Variants in RTL4 observed in about 807,000 individuals in gnomAD.
RTL4 encodes retrotransposon Gag like 4.
RTL4 carries 4 observed loss-of-function variants against 5.3 expected under a neutral mutation model. The ratio of observed to expected loss-of-function variants is 0.75; its 90% CI spans 0.37 to 1.72. The LOEUF (loss-of-function observed/expected upper bound fraction) is 1.72, where lower values mean the gene tolerates loss of function less well. RTL4 is among the 40% of genes most tolerant of loss of function. The pLI, the probability that RTL4 is intolerant of heterozygous loss-of-function variation, is 0.04. For synonymous variants in RTL4, 98 were observed against 87.3 expected, an observed-to-expected ratio of 1.12 and a Z score of -0.68; for missense variants, 260 against 227.1, an observed-to-expected ratio of 1.14 and a Z score of -0.93.
chrX:112,239,594 C>A, the RTL4 span, among the ~76,000 whole-genome samples: 1 of 111,082 alleles, frequency 9.0e-6, no homozygotes, highest in Non-Finnish European at 1.9e-5. Flanking sequence ...TATTTTATCC[C>A]CTATCCTCAG....
At chrX:112,385,206 G>C in the RTL4 span, among the ~76,000 whole-genome samples, 114 of 110,966 alleles carry the variant, frequency 1.0e-3, no homozygotes, top group East Asian at 0.015. Context: ...AAATTTTGAT[G>C]AAATCTGGTC....
chrX:112,138,857 T>A, the RTL4 span, among the ~76,000 whole-genome samples: 1 of 111,806 alleles, frequency 8.9e-6, no homozygotes, highest in Non-Finnish European at 1.9e-5. Flanking sequence ...TACATAACCA[T>A]GGTACAATGA....
At chrX:112,152,743 G>T in the RTL4 span, among the ~76,000 whole-genome samples, 1 of 111,883 alleles carries the variant, frequency 8.9e-6, no homozygotes, top group Admixed American at 9.5e-5. Context: ...CCACTAGAGC[G>T]CTAGGCTTAA....
the RTL4 span, among the ~76,000 whole-genome samples, chrX:112,184,942 A>T: frequency 9.0e-6 from 1 of 111,377 alleles, no homozygotes; most frequent in Non-Finnish European, 1.9e-5. Flanking sequence ...TATTATCCAA[A>T]CTGCTTTCTT....
chrX:112,343,180 AC>A, the RTL4 span, among the ~76,000 whole-genome samples: 2 of 112,412 alleles, frequency 1.8e-5, no homozygotes, highest in Admixed American at 1.9e-4. Context: ...ATCATACCTA[AC>A]AAGTCCAAAT....
the RTL4 span, among the ~76,000 whole-genome samples, chrX:112,441,550 G>C: frequency 1.8e-5 from 2 of 111,319 alleles, no homozygotes; most frequent in South Asian, 7.6e-4. Context: ...TGTTGGCAAG[G>C]GTGTATGATT....
chrX:112,446,962 G>C, the RTL4 span, among the ~76,000 whole-genome samples: 9 of 112,167 alleles, frequency 8.0e-5, no homozygotes, highest in Non-Finnish European at 1.1e-4. Context: ...ATAAATTCGA[G>C]AAAGAATCTC....
the RTL4 span, among the ~76,000 whole-genome samples, chrX:112,346,674 G>A: frequency 9.0e-6 from 1 of 111,112 alleles, no homozygotes; most frequent in African/African-American, 3.3e-5. Flanking sequence ...TGAATACTTC[G>A]GATGTGTGTA....
chrX:112,094,277 T>A, the RTL4 span, among the ~76,000 whole-genome samples: 2 of 111,579 alleles, frequency 1.8e-5, no homozygotes, highest in African/African-American at 6.5e-5. Flanking sequence ...CAGGGGGATG[T>A]GTCAAACATG....
chrX:112,384,007 A>G, the RTL4 span, among the ~76,000 whole-genome samples: 2 of 112,233 alleles, frequency 1.8e-5, no homozygotes, highest in South Asian at 3.7e-4. Flanking sequence ...AACACACAGA[A>G]TATTTCTGTA....
chrX:112,202,537 CATTATTATTATTATTATTATT>C, the RTL4 span, among the ~76,000 whole-genome samples: 2 of 97,157 alleles, frequency 2.1e-5, no homozygotes, highest in African/African-American at 7.6e-5. Flanking sequence ...TAGTTTTATT[CATTATTATTATTATTATTATT>C]ATTATTATTA....
At chrX:112,373,702 G>A in the RTL4 span, among the ~76,000 whole-genome samples, 3 of 94,339 alleles carry the variant, frequency 3.2e-5, no homozygotes, top group Admixed American at 3.4e-4. Context: ...ATATATATAT[G>A]TATATATACC....
chrX:112,182,897 G>A, the RTL4 span, among the ~76,000 whole-genome samples: 1 of 111,924 alleles, frequency 8.9e-6, no homozygotes, highest in Non-Finnish European at 1.9e-5. Flanking sequence ...AGGAAAAAAT[G>A]TTAAGGGCAG....
the RTL4 span, among the ~76,000 whole-genome samples, chrX:112,188,253 T>C: frequency 9.0e-6 from 1 of 111,536 alleles, no homozygotes; most frequent in South Asian, 3.8e-4. Context: ...ATAATCTCCA[T>C]AAAAGACCAT....
chrX:112,170,889 C>T, the RTL4 span, among the ~76,000 whole-genome samples: 28 of 111,453 alleles, frequency 2.5e-4, no homozygotes, highest in African/African-American at 9.1e-4. Flanking sequence ...GGGTTTGTCA[C>T]ACATGGCTCT....
the RTL4 span, among the ~76,000 whole-genome samples, chrX:112,143,680 T>G: frequency 2.5e-3 from 275 of 111,882 alleles, no homozygotes; most frequent in Admixed American, 6.0e-3. Flanking sequence ...TTCTTAAAGC[T>G]TGGTAAGAGG....
At chrX:112,337,803 A>C in the RTL4 span, among the ~76,000 whole-genome samples, 1 of 111,014 alleles carries the variant, frequency 9.0e-6, no homozygotes, top group Non-Finnish European at 1.9e-5. Context: ...AGTAGATGGC[A>C]TGTCCTATGT....
chrX:112,365,847 C>T, the RTL4 span, among the ~76,000 whole-genome samples: 8 of 111,248 alleles, frequency 7.2e-5, no homozygotes, highest in African/African-American at 2.6e-4. Flanking sequence ...AACTGAACTC[C>T]AGTTAGGGTC....
At chrX:112,292,556 A>G in the RTL4 span, among the ~76,000 whole-genome samples, 4 of 111,930 alleles carry the variant, frequency 3.6e-5, no homozygotes, top group South Asian at 3.7e-4. Flanking sequence ...TAACATTACA[A>G]TGATCAAAAG....
Sources: gnomAD v4.1 joint callset for allele counts (sites outside exome capture counted in the v4.1 genomes callset) on GRCh38, gnomAD v4.1.1 for gene constraint, MANE v1.5 for transcripts, NCBI Gene and HGNC (gene_info 2026-07-23, HGNC 2026-07-21) for gene names.